REPS2: variants seen among roughly 807,000 people sequenced by gnomAD.
REPS2 encodes the protein ralBP1-associated Eps domain-containing protein 2.
In REPS2, 23 loss-of-function variants were observed where a neutral mutation model predicts 53.6. The ratio of observed to expected loss-of-function variants is 0.43; its 90% confidence interval spans 0.31 to 0.61. The LOEUF (loss-of-function observed/expected upper bound fraction) is 0.61. Among genes scored for constraint, REPS2 ranks in the 20% least tolerant of loss-of-function variants. The pLI, the probability that REPS2 is intolerant of heterozygous loss-of-function variation, is 0.11. For synonymous variants in REPS2, 238 were observed against 218.6 expected (o/e 1.09, Z -0.78); for missense variants, 446 against 534.9 (o/e 0.83, Z 1.64).
chrX:16,964,691 G>A (rs1464658663), intron 1 of REPS2, among the ~76,000 whole-genome samples: 20 of 103,253 alleles, frequency 1.9e-4, no homozygotes, highest in South Asian at 4.3e-4. Flanking sequence ...TGGACGGGGC[G>A]GCTGGCCGGG....
At chrX:17,090,237 G>A in intron 13 of REPS2, among the ~76,000 whole-genome samples, 1 of 112,262 alleles carries the variant, frequency 8.9e-6, no homozygotes, top group Middle Eastern at 4.6e-3. Flanking sequence ...CCCAAAACTG[G>A]GCAATTTACA....
chrX:17,024,988 T>G, intron 3 of REPS2, 71 bp from the exon 4 acceptor site: 1 of 1,201,387 alleles, frequency 8.3e-7, no homozygotes, highest in South Asian at 1.8e-5. Context: ...AGTTGCGTTA[T>G]GCTTCCTGAC....
intron 7 of REPS2, among the ~76,000 whole-genome samples, 177 bp downstream of exon 7, chrX:17,052,622 A>G (rs376220239): frequency 1.8e-5 from 2 of 112,625 alleles, no homozygotes; most frequent in South Asian, 7.3e-4. Context: ...GAAAAGTACA[A>G]TGAACAATGT....
intron 1 of REPS2, among the ~76,000 whole-genome samples, chrX:16,962,302 C>T (rs959475924): frequency 1.8e-5 from 2 of 109,417 alleles, no homozygotes; most frequent in African/African-American, 6.7e-5. Context: ...CACACACACA[C>T]ACACACACAC....
intron 4 of REPS2, among the ~76,000 whole-genome samples, 159 bp downstream of exon 4, chrX:17,025,344 T>A (rs927890966): frequency 2.7e-5 from 3 of 112,704 alleles, no homozygotes; most frequent in Non-Finnish European, 5.6e-5. Context: ...GCAAGGTTTT[T>A]TTTTAAAAAT....
intron 9 of REPS2, among the ~76,000 whole-genome samples, chrX:17,063,795 G>A (rs1403706402): frequency 9.1e-6 from 1 of 110,447 alleles, no homozygotes; most frequent in Non-Finnish European, 1.9e-5. Flanking sequence ...ATACATCTAT[G>A]GCTCTCTGAC....
Position 17,001,950 on chromosome X carries a change from T to C in REPS2, c.274-4271T>C, listed in dbSNP as rs2061312928. On this transcript the variant is annotated intron_variant, in intron 1 of 17. Coordinates refer to ENST00000357277, the MANE Select transcript of REPS2 (RefSeq NM_004726.3). Reference sequence around the variant, plus strand: ...CCGTGATTCAATTACCTCCCCCTAATTGTTCAAGTCCCTCCCACACACGTG... The same window carrying C: ...CCGTGATTCAATTACCTCCCCCTAACTGTTCAAGTCCCTCCCACACACGTG... 2.7e-5 allele frequency among the ~76,000 whole-genome samples: 3 copies of C among 111,988 alleles called. No individual in the cohort carries two copies. The South Asian group carries it at 1.1e-3, about 42-fold the overall frequency.
At chrX:17,010,881 T>C (rs959311869) in intron 2 of REPS2, among the ~76,000 whole-genome samples, 2 of 111,410 alleles carry the variant, frequency 1.8e-5, no homozygotes, top group Non-Finnish European at 3.8e-5. Flanking sequence ...CTGGAGAGCT[T>C]TAAATATAAA....
chrX:17,118,282 A>G (rs979471114), intron 14 of REPS2, among the ~76,000 whole-genome samples: 2 of 103,281 alleles, frequency 1.9e-5, no homozygotes, highest in African/African-American at 7.1e-5. Flanking sequence ...TTAATGATTC[A>G]TGTGGGACAT....
intron 1 of REPS2, among the ~76,000 whole-genome samples, chrX:16,991,385 G>A (rs769269191): frequency 1.3e-3 from 144 of 111,729 alleles, no homozygotes; most frequent in Non-Finnish European, 2.4e-3. Context: ...TTGTAGCTAG[G>A]TGTGCCTGCG....
intron 6 of REPS2, among the ~76,000 whole-genome samples, chrX:17,052,008 A>G (rs1404012145): frequency 8.9e-6 from 1 of 112,153 alleles, no homozygotes; most frequent in African/African-American, 3.2e-5. Context: ...TCAGTTTTCT[A>G]TTACTTTTCT....
the REPS2 span, among the ~76,000 whole-genome samples, chrX:17,185,333 G>A: frequency 9.0e-6 from 1 of 111,488 alleles, no homozygotes; most frequent in Admixed American, 9.6e-5. Flanking sequence ...TACTTCCGTT[G>A]CATTGGATTG....
At chrX:16,964,895 C>T (rs1452789954) in intron 1 of REPS2, among the ~76,000 whole-genome samples, 2 of 47,694 alleles carry the variant, frequency 4.2e-5, no homozygotes, top group Non-Finnish European at 7.4e-5. Flanking sequence ...CCGGACGGGG[C>T]GGCTGGCCAG....
the REPS2 span, among the ~76,000 whole-genome samples, chrX:17,168,228 G>A: frequency 8.9e-6 from 1 of 111,777 alleles, no homozygotes; most frequent in Non-Finnish European, 1.9e-5. Flanking sequence ...ACCAATAGAA[G>A]GTAGGGGCCA....
the REPS2 span, among the ~76,000 whole-genome samples, chrX:17,182,133 T>C: frequency 1.5e-5 from 1 of 68,064 alleles, no homozygotes; most frequent in Non-Finnish European, 2.8e-5. Context: ...CCTAGTGTGC[T>C]CTATCTGTCT....
At chrX:17,021,646 C>A (rs2061579441) in intron 2 of REPS2, among the ~76,000 whole-genome samples, 1 of 112,415 alleles carries the variant, frequency 8.9e-6, no homozygotes, top group Non-Finnish European at 1.9e-5. Flanking sequence ...TTACTTAGCT[C>A]CTTTATGACT....
At chrX:16,963,279 A>G (rs1342564094) in intron 1 of REPS2, among the ~76,000 whole-genome samples, 1 of 111,968 alleles carries the variant, frequency 8.9e-6, no homozygotes, top group Non-Finnish European at 1.9e-5. Context: ...AAATCTTACA[A>G]TCCTCTTCAT....
chrX:17,008,836 C>T (rs1178874191), intron 2 of REPS2, among the ~76,000 whole-genome samples: 1 of 111,273 alleles, frequency 9.0e-6, no homozygotes, highest in African/African-American at 3.3e-5. Context: ...GATGGATACC[C>T]TTATGTCATG....
chrX:17,111,658 A>G (rs2062972977), intron 14 of REPS2, among the ~76,000 whole-genome samples: 2 of 112,015 alleles, frequency 1.8e-5, no homozygotes, highest in Non-Finnish European at 3.8e-5. Context: ...TGCTGAATGT[A>G]GTAATATGAA....
Sources: allele counts gnomAD v4.1 joint callset (sites outside exome capture counted in the v4.1 genomes callset), GRCh38; gene constraint gnomAD v4.1.1; transcripts MANE v1.5; gene names NCBI Gene and HGNC (gene_info 2026-07-23, HGNC 2026-07-21).